SYNE3: variants seen among roughly 807,000 people sequenced by gnomAD.
The protein encoded by SYNE3 is nesprin-3.
Under a neutral mutation model 111.2 loss-of-function variants are expected in SYNE3, and 100 were observed. The ratio of observed to expected loss-of-function variants is 0.90; its 90% CI spans 0.77 to 1.06. The LOEUF (loss-of-function observed/expected upper bound fraction) is 1.06, where lower values mean the gene tolerates loss of function less well. SYNE3 is among the 50% of genes least tolerant of loss of function. The pLI is 0.00. For synonymous variants in SYNE3, 547 were observed against 533.9 expected (o/e 1.02, Z -0.34); for missense variants, 1,160 against 1,240.3 (o/e 0.94, Z 0.97).
chr14:95,503,608 AC>A (rs1243138696), intron 1 of SYNE3, among the ~76,000 whole-genome samples: 1 of 116,052 alleles, frequency 8.6e-6, no homozygotes, highest in Non-Finnish European at 1.8e-5. Context: ...TTTCAGAACT[AC>A]CTTTTTTTTT....
chr14:95,467,720 A>G lies in SYNE3; in HGVS notation c.317+75T>C, dbSNP rs956209192. 38 of 1,543,912 alleles carry G rather than the reference A, an allele frequency of 2.5e-5. No individual in the cohort carries two copies. The African/African-American group carries it at 4.7e-4, about 19-fold the overall frequency. On this transcript the variant is annotated intron_variant, in intron 3 of 17. Transcript: ENST00000682763. Reference sequence around the variant, plus strand: ...AGGACTGGAGAAATGTCTCTTGGGCAGAGGGCCCAAGCTAGTGTCACAGTG... The same window carrying G: ...AGGACTGGAGAAATGTCTCTTGGGCGGAGGGCCCAAGCTAGTGTCACAGTG...
rs1888134286 is a variant in SYNE3 at position 95,465,921 on chromosome 14, T to C, written c.627+10A>G. 1.9e-6 allele frequency: 3 copies of C among 1,561,636 alleles called. No homozygotes were observed. In the African/African-American group the frequency reaches 4.0e-5, roughly 21 times the overall value. On this transcript the variant is annotated intron_variant, in intron 4 of 17. Coordinates refer to ENST00000682763, the MANE Select transcript of SYNE3 (RefSeq NM_152592.6). Reference sequence around the variant, plus strand: ...GGGTGAGGATGTAGCCCACTCAGCCTCACCCTCACCTGGGCCTTGGCCTTC... The same window carrying C: ...GGGTGAGGATGTAGCCCACTCAGCCCCACCCTCACCTGGGCCTTGGCCTTC...
rs115108287 is a variant in SYNE3, at chr14:95,428,578, A to G, written c.2727+3501T>C. 5.8e-3 allele frequency among the ~76,000 whole-genome samples: 882 copies of G among 152,288 alleles called. 14 individuals are homozygous for G. Among genetic ancestry groups the G allele is most frequent in the African/African-American group, 0.02 (849 of 41,540 alleles). On this transcript the variant is annotated intron_variant, in intron 17 of 17. Coordinates refer to ENST00000682763, the MANE Select transcript of SYNE3 (RefSeq NM_152592.6). ...TGCTTCTGCAAACTAGCACTGCCCT[A>G]TTTCACCCTGGCTCACAGAACCTTT...
chr14:95,487,638 C>T lies in SYNE3; in HGVS notation c.-14-11803G>A, dbSNP rs577069385. On this transcript the variant is annotated intron_variant, in intron 1 of 17. Transcript: ENST00000682763. Reference sequence around the variant, plus strand: ...TAGATATACACCTATAAAGCCAACACCCGTCCATAAAATGAACATACCCGC... The same window carrying T: ...TAGATATACACCTATAAAGCCAACATCCGTCCATAAAATGAACATACCCGC... Among the ~76,000 whole-genome samples, 3 of 152,350 alleles carry T rather than the reference C, an allele frequency of 2.0e-5. No homozygotes were observed. The South Asian group carries it at 6.2e-4, about 32-fold the overall frequency.
intron 1 of SYNE3, among the ~76,000 whole-genome samples, chr14:95,508,286 G>T (rs949170265): frequency 6.6e-6 from 1 of 152,228 alleles, no homozygotes; most frequent in African/African-American, 2.4e-5. Context: ...CATTCAGTAA[G>T]CACTGAACAG....
At position 95,410,349 on chromosome 14, in the gene SYNE3, A is replaced by G. The variant is rs1224912285; in HGVS notation, c.*7477T>C. The G allele has an allele frequency of 6.6e-6, 1 of 152,114 alleles. No homozygotes were observed. The highest frequency in any genetic ancestry group is 1.9e-4 in the East Asian group (1 of 5,190). The allele number at this position is 152,114 out of a possible 1,614,324, so 9.4% of individuals were successfully genotyped here. ...AGACAGCGAAGTGCCACTCCAAGCCACCCTACCCTTCATTCTTACTAGAAG... is the reference window on the plus strand; with the variant it reads ...AGACAGCGAAGTGCCACTCCAAGCCGCCCTACCCTTCATTCTTACTAGAAG... On this transcript the variant is annotated 3_prime_UTR_variant, in exon 18 of 18. Coordinates refer to ENST00000682763, the MANE Select transcript of SYNE3 (RefSeq NM_152592.6).
chr14:95,468,949 G>A (rs74080782), intron 2 of SYNE3, among the ~76,000 whole-genome samples: 12,051 of 152,192 alleles, frequency 0.079, 931 homozygotes, highest in African/African-American at 0.2. Context: ...ACTCCTTACT[G>A]CTGCTGTGAC....
chr14:95,452,288 T>G lies in SYNE3; in HGVS notation c.1233A>C (p.Pro411=). The change falls in exon 7 of 18, where the codon CCA becomes CCC. Residue 411 remains proline (P), a synonymous_variant. Transcript: ENST00000682763. The stretch of plus-strand genomic sequence containing the variant: ...TGGTAGCGATGACACTATCAGAGAG[T>G]GGCTTCAGGTTGTGAGGGAAGACGA... ...ELIVFPHNLK[P]LSDSVIATIQ... The G allele has an allele frequency of 3.7e-6, 6 of 1,613,224 alleles. No individual in the cohort carries two copies. Among genetic ancestry groups the G allele is most frequent in the Non-Finnish European group, 5.1e-6 (6 of 1,179,588 alleles).
At chr14:95,498,372 C>A (rs928362244) in intron 1 of SYNE3, among the ~76,000 whole-genome samples, 7 of 152,142 alleles carry the variant, frequency 4.6e-5, no homozygotes, top group Non-Finnish European at 8.8e-5. Context: ...GCATGCACCA[C>A]CATAGCCAGC....
chr14:95,488,541 G>T (rs1022942735), intron 1 of SYNE3, among the ~76,000 whole-genome samples: 14 of 151,982 alleles, frequency 9.2e-5, no homozygotes, highest in African/African-American at 3.4e-4. Flanking sequence ...TTAAGAAACT[G>T]CCAAGGCCAG....
At chr14:95,507,273 C>T (rs179158) in intron 1 of SYNE3, among the ~76,000 whole-genome samples, 52,118 of 152,194 alleles carry the variant, frequency 0.34, 9,229 homozygotes, top group Admixed American at 0.42. Context: ...GTGTCTCTGG[C>T]ATCTTCCTAG....
chr14:95,510,031 T>A (rs1595265451), intron 1 of SYNE3, among the ~76,000 whole-genome samples: 2 of 152,264 alleles, frequency 1.3e-5, no homozygotes, highest in South Asian at 4.1e-4. Flanking sequence ...GCGTAAATCA[T>A]CTCTGAGGCT....
intron 16 of SYNE3, 75 bp from the exon 17 acceptor site, chr14:95,432,192 G>T: frequency 1.3e-6 from 2 of 1,504,536 alleles, no homozygotes. Context: ...TCCCAACAGA[G>T]CCTGTAATGG....
At chr14:95,487,333 T>C (rs920428413) in intron 1 of SYNE3, among the ~76,000 whole-genome samples, 8 of 152,222 alleles carry the variant, frequency 5.3e-5, no homozygotes, top group African/African-American at 1.9e-4. Context: ...GGTCCTGTTA[T>C]TGTTCCCATT....
chr14:95,485,843 G>T lies in SYNE3; in HGVS notation c.-14-10008C>A, dbSNP rs750966416. Among the ~76,000 whole-genome samples, 13 of 152,206 alleles carry T rather than the reference G, an allele frequency of 8.5e-5. No individual in the cohort carries two copies. In the South Asian group the frequency reaches 2.7e-3, roughly 32 times the overall value. The stretch of plus-strand genomic sequence containing the variant: ...TCCTGCTCCTCACTTCACCTCCTTC[G>T]TGGAGCTCAGCACCTGCTCTGAGTC... On this transcript the variant is annotated intron_variant, in intron 1 of 17. Transcript: ENST00000682763. The surrounding 1 kb of genome is among the most constrained non-coding windows in gnomAD (Gnocchi z 4.3).
chr14:95,436,790 T>C (rs369228456), intron 15 of SYNE3, 30 bp downstream of exon 15: 3 of 1,611,410 alleles, frequency 1.9e-6, no homozygotes, highest in African/African-American at 1.3e-5. Flanking sequence ...GCAAACCTTA[T>C]GGATGAGGGA....
intron 10 of SYNE3, 160 bp downstream of exon 10, chr14:95,444,325 C>T (rs780542889): frequency 8.5e-5 from 76 of 897,406 alleles, no homozygotes; most frequent in Non-Finnish European, 1.1e-4. Flanking sequence ...GATAAATAAG[C>T]AGAGGTTCTG....
At chr14:95,419,313 G>A (rs185455170) in intron 17 of SYNE3, among the ~76,000 whole-genome samples, 1 of 152,252 alleles carries the variant, frequency 6.6e-6, no homozygotes, top group Non-Finnish European at 1.5e-5. Context: ...TGGATCCTCT[G>A]TTATCTGCTC....
At chr14:95,429,637 C>T (rs908309283) in intron 17 of SYNE3, among the ~76,000 whole-genome samples, 3 of 152,156 alleles carry the variant, frequency 2.0e-5, no homozygotes, top group Non-Finnish European at 4.4e-5. Context: ...GCAGCAAGCA[C>T]CAAAGTCAGA....
Sources: allele counts gnomAD v4.1 joint callset (sites outside exome capture counted in the v4.1 genomes callset), GRCh38; gene constraint gnomAD v4.1.1; non-coding constraint Gnocchi (gnomAD v3.1); transcripts MANE v1.5; gene names NCBI Gene and HGNC (gene_info 2026-07-23, HGNC 2026-07-21).